Variants in CEP63 observed in about 807,000 individuals in gnomAD.
The protein encoded by CEP63 is centrosomal protein 63, also known as centrosomal protein of 63 kDa.
In CEP63, 84 loss-of-function variants were observed where a neutral mutation model predicts 89.1. The ratio of observed to expected loss-of-function variants is 0.94; its 90% confidence interval spans 0.79 to 1.13. The LOEUF is 1.13. Among genes scored for constraint, CEP63 ranks in the 50% most tolerant of loss-of-function variants. The pLI is 0.00. For synonymous variants in CEP63, 267 were observed against 272.5 expected, an observed-to-expected ratio of 0.98 and a Z score of 0.20; for missense variants, 838 against 813.3, an observed-to-expected ratio of 1.03 and a Z score of -0.37.
chr3:134,572,922 G>GT (rs1560074259), intron 11 of CEP63, among the ~76,000 whole-genome samples: 1 of 151,984 alleles, frequency 6.6e-6, no homozygotes, highest in Admixed American at 6.6e-5. Flanking sequence ...AGCATCTGTT[G>GT]TTTTTTTGAC....
the CEP63 span, among the ~76,000 whole-genome samples, chr3:134,699,090 A>T: frequency 6.6e-6 from 1 of 152,148 alleles, no homozygotes; most frequent in Non-Finnish European, 1.5e-5. Flanking sequence ...TAGATGAGGT[A>T]TTTTATCTGA....
At chr3:134,765,066 A>G in the CEP63 span, among the ~76,000 whole-genome samples, 2 of 152,130 alleles carry the variant, frequency 1.3e-5, no homozygotes, top group African/African-American at 2.4e-5. Flanking sequence ...CCCCACCCCC[A>G]AAGTTTCTGA....
chr3:134,707,646 C>A, the CEP63 span, among the ~76,000 whole-genome samples: 1 of 151,452 alleles, frequency 6.6e-6, no homozygotes, highest in Non-Finnish European at 1.5e-5. Flanking sequence ...TCAGGTTGTA[C>A]AACGGTGATG....
chr3:134,502,737 C>G (rs1354511881), intron 2 of CEP63, among the ~76,000 whole-genome samples: 4 of 152,034 alleles, frequency 2.6e-5, no homozygotes, highest in Non-Finnish European at 5.9e-5. Context: ...AGCAGTCTAT[C>G]AATCTTGTTA....
intron 3 of CEP63, among the ~76,000 whole-genome samples, chr3:134,528,193 TC>T (rs1347789601): frequency 2.0e-5 from 3 of 152,068 alleles, no homozygotes; most frequent in Non-Finnish European, 4.4e-5. Context: ...GTTCCCAGCT[TC>T]CTCCCCCTTC....
the CEP63 span, among the ~76,000 whole-genome samples, chr3:134,731,308 T>C: frequency 2.0e-5 from 3 of 152,156 alleles, no homozygotes; most frequent in African/African-American, 7.2e-5. Context: ...TTGGGGCATA[T>C]ACATTCTTCT....
chr3:134,527,140 T>C (rs1430554488), intron 3 of CEP63, among the ~76,000 whole-genome samples: 3 of 152,180 alleles, frequency 2.0e-5, no homozygotes, highest in Non-Finnish European at 4.4e-5. Context: ...TTGTCAGCTA[T>C]GCCAGGGTGC....
chr3:134,728,754 T>C, the CEP63 span, among the ~76,000 whole-genome samples: 1 of 152,156 alleles, frequency 6.6e-6, no homozygotes, highest in Non-Finnish European at 1.5e-5. Context: ...GTAAACATTA[T>C]TACATAAAAT....
the CEP63 span, chr3:134,607,479 G>A: frequency 2.0e-6 from 2 of 985,538 alleles, no homozygotes; most frequent in African/African-American, 1.7e-5. Context: ...CTGGGCGGAT[G>A]GAGGCCCCAG....
chr3:134,720,927 T>C, the CEP63 span, among the ~76,000 whole-genome samples: 5 of 152,146 alleles, frequency 3.3e-5, no homozygotes, highest in Admixed American at 3.3e-4. Context: ...CCAACTTTGT[T>C]TTCCTTTTTC....
chr3:134,698,775 G>T, the CEP63 span, among the ~76,000 whole-genome samples: 4 of 152,186 alleles, frequency 2.6e-5, 1 homozygote, highest in Admixed American at 2.6e-4. Context: ...CCCATGAAAA[G>T]ACTTTCTATG....
At chr3:134,525,457 A>G (rs967220976) in intron 3 of CEP63, among the ~76,000 whole-genome samples, 5 of 152,156 alleles carry the variant, frequency 3.3e-5, no homozygotes, top group African/African-American at 9.7e-5. Context: ...CAGCATACCA[A>G]TGGGTCTTGA....
At chr3:134,679,868 G>A in the CEP63 span, among the ~76,000 whole-genome samples, 2 of 152,112 alleles carry the variant, frequency 1.3e-5, no homozygotes, top group African/African-American at 4.8e-5. Flanking sequence ...GACTACAGGA[G>A]TGCGCCACCA....
intron 12 of CEP63, among the ~76,000 whole-genome samples, chr3:134,556,276 G>T (rs1956149188): frequency 3.3e-5 from 5 of 152,070 alleles, no homozygotes; most frequent in Admixed American, 3.3e-4. Context: ...TGACAAATGG[G>T]ATCTCATTAA....
the CEP63 span, among the ~76,000 whole-genome samples, chr3:134,775,924 C>G: frequency 6.6e-6 from 1 of 152,106 alleles, no homozygotes; most frequent in Non-Finnish European, 1.5e-5. Context: ...GCAGGCACCC[C>G]TCCCGGTCTC....
chr3:134,743,480 C>T, the CEP63 span, among the ~76,000 whole-genome samples: 78,389 of 151,938 alleles, frequency 0.52, 23,731 homozygotes, highest in East Asian at 0.78. Flanking sequence ...CAGGCTGGGC[C>T]GTGAGAACAG....
At chr3:134,560,760 G>GT (rs1372839556) in intron 14 of CEP63, among the ~76,000 whole-genome samples, 3 of 152,086 alleles carry the variant, frequency 2.0e-5, no homozygotes, top group African/African-American at 7.2e-5. Flanking sequence ...TGTATTTGTT[G>GT]TATGTGTGTA....
At chr3:134,552,192 C>G (rs1332294981) in intron 12 of CEP63, 180 bp downstream of exon 12, 1 of 414,544 alleles carries the variant, frequency 2.4e-6, no homozygotes, top group Admixed American at 4.1e-5. Flanking sequence ...TCCACTCCAG[C>G]AGCAGGAAGG....
chr3:134,723,656 ACT>A, the CEP63 span, among the ~76,000 whole-genome samples: 1 of 152,260 alleles, frequency 6.6e-6, no homozygotes, highest in East Asian at 1.9e-4. Context: ...TAAAGGTGAG[ACT>A]CTGCTCTGAA....
Sources: gnomAD v4.1 joint callset for allele counts (sites outside exome capture counted in the v4.1 genomes callset) on GRCh38, gnomAD v4.1.1 for gene constraint, MANE v1.5 for transcripts, NCBI Gene and HGNC (gene_info 2026-07-23, HGNC 2026-07-21) for gene names.